The following STK32A variants were observed in gnomAD, a reference collection of about 807,000 sequenced individuals.
The protein encoded by STK32A is serine/threonine kinase 32A, also known as serine/threonine-protein kinase 32A.
STK32A carries 41 observed loss-of-function variants against 53.2 expected under a neutral mutation model. The observed-to-expected ratio is 0.77, with a 90% confidence interval of 0.60 to 1.00. STK32A has a LOEUF of 1.00. Among genes scored for constraint, STK32A ranks in the 50% least tolerant of loss-of-function variants. The pLI is 0.00. For synonymous variants in STK32A, 166 were observed against 162.8 expected, an observed-to-expected ratio of 1.02 and a Z score of -0.15; for missense variants, 458 against 485.8, an observed-to-expected ratio of 0.94 and a Z score of 0.54.
At chr5:147,313,417 G>C (rs924203249) in intron 4 of STK32A, among the ~76,000 whole-genome samples, 1 of 152,284 alleles carries the variant, frequency 6.6e-6, no homozygotes, top group South Asian at 2.1e-4. Flanking sequence ...AAAGAAGTGA[G>C]AAATGTCTCT....
chr5:147,373,791 A>G (rs1045789862), intron 10 of STK32A, among the ~76,000 whole-genome samples: 1 of 152,134 alleles, frequency 6.6e-6, no homozygotes, highest in Non-Finnish European at 1.5e-5. Flanking sequence ...AACCAAAGAC[A>G]TATAATTCCC....
intron 2 of STK32A, among the ~76,000 whole-genome samples, chr5:147,252,187 A>G (rs910893018): frequency 4.6e-5 from 7 of 152,194 alleles, no homozygotes; most frequent in Non-Finnish European, 1.0e-4. Flanking sequence ...CATTGTCATC[A>G]TCATTGTCAC....
chr5:147,395,486 C>T, the STK32A span: 12,216 of 1,523,406 alleles, frequency 8.0e-3, 797 homozygotes, highest in East Asian at 0.17. Context: ...TTCTGAGGAA[C>T]ACCCTGTGGC....
At chr5:147,377,848 G>C (rs1242586629) in intron 11 of STK32A, among the ~76,000 whole-genome samples, 1 of 151,848 alleles carries the variant, frequency 6.6e-6, no homozygotes, top group East Asian at 1.9e-4. Context: ...TTGTTTTTTT[G>C]ATGTTTCTGT....
At chr5:147,318,091 T>G (rs1477198827) in intron 4 of STK32A, among the ~76,000 whole-genome samples, 1 of 152,206 alleles carries the variant, frequency 6.6e-6, no homozygotes, top group African/African-American at 2.4e-5. Context: ...GTGCTTTTTT[T>G]CCTTTTGTGT....
At chr5:147,320,331 G>A (rs1754246620) in intron 4 of STK32A, among the ~76,000 whole-genome samples, 2 of 152,028 alleles carry the variant, frequency 1.3e-5, no homozygotes, top group Non-Finnish European at 2.9e-5. Flanking sequence ...TCCCAAATAA[G>A]TGACTCTTTT....
At chr5:147,236,637 C>A (rs528177916) in intron 1 of STK32A, among the ~76,000 whole-genome samples, 78 of 152,246 alleles carry the variant, frequency 5.1e-4, no homozygotes, top group African/African-American at 1.8e-3. Flanking sequence ...TAAACGACCA[C>A]CCAGTGGTTC....
intron 4 of STK32A, among the ~76,000 whole-genome samples, chr5:147,296,584 T>G (rs1752878635): frequency 6.6e-6 from 1 of 152,120 alleles, no homozygotes; most frequent in Non-Finnish European, 1.5e-5. Context: ...ACTCTACCAT[T>G]TTTGCCTCTT....
chr5:147,372,154 T>C (rs1388349230), intron 9 of STK32A, among the ~76,000 whole-genome samples: 2 of 152,000 alleles, frequency 1.3e-5, no homozygotes, highest in Non-Finnish European at 2.9e-5. Context: ...CATCAGATTT[T>C]CAAGGTACCC....
chr5:147,334,352 G>A (rs1755016164), intron 5 of STK32A, among the ~76,000 whole-genome samples: 1 of 152,104 alleles, frequency 6.6e-6, no homozygotes, highest in South Asian at 2.1e-4. Flanking sequence ...AGTCAGGCAG[G>A]GCTTCCATTC....
intron 4 of STK32A, among the ~76,000 whole-genome samples, chr5:147,308,078 T>C (rs1215170549): frequency 2.0e-5 from 3 of 152,004 alleles, no homozygotes; most frequent in Non-Finnish European, 4.4e-5. Flanking sequence ...ATGGAGTCTA[T>C]AGATTAATTC....
chr5:147,363,349 C>T (rs1185378550), intron 8 of STK32A, among the ~76,000 whole-genome samples: 1 of 151,566 alleles, frequency 6.6e-6, no homozygotes, highest in Non-Finnish European at 1.5e-5. Flanking sequence ...CAATCACTCT[C>T]ATGGCTGGGG....
chr5:147,242,021 G>T (rs181045034), intron 2 of STK32A, among the ~76,000 whole-genome samples: 6 of 152,286 alleles, frequency 3.9e-5, no homozygotes, highest in Admixed American at 2.6e-4. Flanking sequence ...TGTGACAATT[G>T]GGAAATAAGA....
At chr5:147,307,672 G>A (rs1365617090) in intron 4 of STK32A, among the ~76,000 whole-genome samples, 1 of 150,632 alleles carries the variant, frequency 6.6e-6, no homozygotes, top group Non-Finnish European at 1.5e-5. Flanking sequence ...CCAACGTGGA[G>A]CTATTCTATC....
chr5:147,324,157 A>T, intron 5 of STK32A, 86 bp downstream of exon 5: 1 of 1,266,088 alleles, frequency 7.9e-7, no homozygotes, highest in Non-Finnish European at 1.1e-6. Flanking sequence ...CTTATTGAAC[A>T]TGACATTTAA....
chr5:147,243,734 T>G (rs1247687390), intron 2 of STK32A, among the ~76,000 whole-genome samples: 2 of 61,562 alleles, frequency 3.2e-5, no homozygotes, highest in Non-Finnish European at 7.4e-5. Context: ...AGCAAGACTC[T>G]GTCCAAAAAA....
intron 11 of STK32A, among the ~76,000 whole-genome samples, chr5:147,382,422 T>C (rs1757489334): frequency 6.6e-6 from 1 of 152,060 alleles, no homozygotes; most frequent in Non-Finnish European, 1.5e-5. Flanking sequence ...GATCTACTGT[T>C]AGGTCTTTTT....
At chr5:147,240,416 C>T (rs1263131419) in intron 2 of STK32A, among the ~76,000 whole-genome samples, 1 of 152,182 alleles carries the variant, frequency 6.6e-6, no homozygotes, top group Non-Finnish European at 1.5e-5. Flanking sequence ...TGAGAGGGAG[C>T]TCTTCCGAGT....
intron 4 of STK32A, among the ~76,000 whole-genome samples, chr5:147,316,333 A>G (rs763121170): frequency 1.3e-5 from 2 of 152,238 alleles, no homozygotes; most frequent in Non-Finnish European, 2.9e-5. Context: ...ATAACTATAC[A>G]TCTATAGCAG....
Sources: gnomAD v4.1 joint callset for allele counts (sites outside exome capture counted in the v4.1 genomes callset) on GRCh38, gnomAD v4.1.1 for gene constraint, MANE v1.5 for transcripts, NCBI Gene and HGNC (gene_info 2026-07-23, HGNC 2026-07-21) for gene names.